RIMBP2: variants seen among roughly 807,000 people sequenced by gnomAD.
The protein encoded by RIMBP2 is RIMS-binding protein 2.
Under a neutral mutation model 118.6 loss-of-function variants are expected in RIMBP2, and 48 were observed. The observed-to-expected ratio is 0.40, with a 90% CI of 0.32 to 0.51. RIMBP2 has a LOEUF of 0.51. Among genes scored for constraint, RIMBP2 ranks in the 20% least tolerant of loss-of-function variants. RIMBP2 has a pLI of 0.41. For missense variants in RIMBP2, 1,551 were observed against 1,768.3 expected (o/e 0.88, Z 2.20); for synonymous variants, 762 against 742.9 (o/e 1.03, Z -0.42).
intron 21 of RIMBP2, among the ~76,000 whole-genome samples, chr12:130,403,310 A>G (rs2136312791): frequency 6.6e-6 from 1 of 152,338 alleles, no homozygotes; most frequent in African/African-American, 2.4e-5. Context: ...GTGGTAAATA[A>G]AAAGAAGCAT....
At chr12:130,470,073 T>G (rs2080867016) in intron 6 of RIMBP2, 1 of 152,144 alleles carries the variant, frequency 6.6e-6, no homozygotes, top group Non-Finnish European at 1.5e-5. Context: ...CTCACGCAGG[T>G]GGGACGTAGC....
intron 2 of RIMBP2, among the ~76,000 whole-genome samples, chr12:130,555,754 C>T (rs2056285807): frequency 6.6e-6 from 1 of 152,186 alleles, no homozygotes; most frequent in African/African-American, 2.4e-5. Context: ...GCAGCTAAAA[C>T]ACGAAACTGC....
chr12:130,401,209 G>A (rs993333926), intron 21 of RIMBP2, among the ~76,000 whole-genome samples: 1 of 151,864 alleles, frequency 6.6e-6, no homozygotes, highest in East Asian at 1.9e-4. Context: ...TCCACCTCCC[G>A]GGTTCAAGCA....
chr12:130,414,458 G>A, intron 17 of RIMBP2, 152 bp from the exon 18 acceptor site: 2 of 689,962 alleles, frequency 2.9e-6, no homozygotes, highest in Non-Finnish European at 4.8e-6. Context: ...AATAGATCGG[G>A]AGGTCTAGGT....
intron 4 of RIMBP2, among the ~76,000 whole-genome samples, chr12:130,485,132 T>A (rs754705271): frequency 1.8e-4 from 28 of 152,320 alleles, no homozygotes; most frequent in Admixed American, 3.3e-4. Context: ...GAGGGACTCA[T>A]GAGGCAACCA....
Position 130,399,684 on chromosome 12 carries a change from T to C in RIMBP2, c.3895A>G (p.Lys1299Glu), listed in dbSNP as rs2136256724. Reference sequence around the variant, plus strand: ...GGCTAAATAGGTTTGCTTACCCTTTTTGCCTTTGAGCGCATTGGCGTATCT... The same window carrying C: ...GGCTAAATAGGTTTGCTTACCCTTTCTGCCTTTGAGCGCATTGGCGTATCT... The part of the protein sequence containing the change: ...SQDTPMRSKA[K>E]RVPPEGSGTA... The change falls in exon 22 of 23, where the codon AAA (lysine) becomes GAA (glutamate). Residue 1299 changes from lysine (K) to glutamate (E), a missense_variant. This residue lies in a region of RIMBP2 where 1,038 missense variants were observed against 1,125.1 expected (regional missense o/e 0.92). Transcript: ENST00000690449. 6.2e-7 allele frequency: 1 copy of C among 1,614,178 alleles called. No individual in the cohort carries two copies. Among genetic ancestry groups the C allele is most frequent in the South Asian group, 1.1e-5 (1 of 91,078 alleles).
chr12:130,637,909 G>C (rs1007370572), intron 1 of RIMBP2, among the ~76,000 whole-genome samples: 4 of 152,166 alleles, frequency 2.6e-5, no homozygotes, highest in Admixed American at 1.3e-4. Context: ...TGGTAAATAA[G>C]TTATTTGGGG....
intron 2 of RIMBP2, among the ~76,000 whole-genome samples, chr12:130,532,537 G>A (rs557321696): frequency 2.0e-5 from 3 of 149,100 alleles, no homozygotes; most frequent in African/African-American, 7.5e-5. Flanking sequence ...AATGAGATGC[G>A]TGTGTGTAGC....
rs546754143 is a variant in RIMBP2 at position 130,512,932 on chromosome 12, G to A, written c.-127+4896C>T. 5.9e-5 allele frequency among the ~76,000 whole-genome samples: 9 copies of A among 152,094 alleles called. No individual in the cohort carries two copies. The East Asian group carries it at 1.4e-3, about 23-fold the overall frequency. ...CTTTCAGTCAAAAACTAAGCCTCAC[G>A]AATCCCAAATGTCTATGTGTGTCAT... On this transcript the variant is annotated intron_variant, in intron 3 of 22. Coordinates refer to ENST00000690449, the MANE Select transcript of RIMBP2 (RefSeq NM_001393629.1).
At chr12:130,664,439 G>T (rs763592846) in intron 1 of RIMBP2, among the ~76,000 whole-genome samples, 1 of 123,418 alleles carries the variant, frequency 8.1e-6, no homozygotes, top group African/African-American at 3.0e-5. Context: ...ATGCATGCAC[G>T]CACACACGCA....
Position 130,651,885 on chromosome 12 carries a change from TA to T in RIMBP2, c.-351-23430del, listed in dbSNP as rs68125491. 9.4e-3 allele frequency among the ~76,000 whole-genome samples: 1,418 copies of T among 150,574 alleles called. 15 individuals carry two copies. Among genetic ancestry groups the T allele is most frequent in the African/African-American group, 0.026 (1,055 of 41,096 alleles). ...TAGCTTTTGGAAAGCTTTTTGATGTTAAAAAAAAAATGTTTAGGAATTAAAA... is the reference window on the plus strand; with the variant it reads ...TAGCTTTTGGAAAGCTTTTTGATGTTAAAAAAAAATGTTTAGGAATTAAAA... On this transcript the variant is annotated intron_variant, in intron 1 of 22. Transcript: ENST00000690449.
At chr12:130,438,335 A>AGGCCC in intron 12 of RIMBP2, 30 bp downstream of exon 12, 3 of 865,014 alleles carry the variant, frequency 3.5e-6, no homozygotes, top group African/African-American at 1.7e-5. Context: ...GGCCTAACAA[A>AGGCCC]CCCTCCCCAC....
rs949490066 is a variant in RIMBP2, at chr12:130,620,221, A to G, written c.-217+8101T>C. On this transcript the variant is annotated intron_variant, in intron 2 of 22. Transcript: ENST00000690449. The surrounding 1 kb of genome is among the most constrained non-coding windows in gnomAD (Gnocchi z 5.3). Reference sequence around the variant, plus strand: ...AGACCGAAGTGGTGGCAGTTAAACAATCAGTCCCCTGAATTTAAATCTTGA... The same window carrying G: ...AGACCGAAGTGGTGGCAGTTAAACAGTCAGTCCCCTGAATTTAAATCTTGA... Among the ~76,000 whole-genome samples the G allele has an allele frequency of 2.6e-5, 4 of 152,142 alleles. No individual in the cohort carries two copies. Among genetic ancestry groups the G allele is most frequent in the Admixed American group, 1.3e-4 (2 of 15,272 alleles).
At position 130,433,158 on chromosome 12, in the gene RIMBP2, CTT is replaced by C. The variant is rs1416428038; in HGVS notation, c.2253+1574_2253+1575del. ...GCAGAGGACCGGCCTTACACACACTCTTTTCTGATAAGCGACTGTAGACATTA... is the reference window on the plus strand; with the variant it reads ...GCAGAGGACCGGCCTTACACACACTCTTCTGATAAGCGACTGTAGACATTA... On this transcript the variant is annotated intron_variant, in intron 14 of 22. Transcript: ENST00000690449. Among the ~76,000 whole-genome samples, 3 of 152,330 alleles carry C rather than the reference CTT, an allele frequency of 2.0e-5. No homozygotes were observed. In the South Asian group the frequency reaches 6.2e-4, roughly 32 times the overall value.
chr12:130,692,233 G>A (rs1051933004), intron 1 of RIMBP2, among the ~76,000 whole-genome samples: 4 of 152,076 alleles, frequency 2.6e-5, no homozygotes, highest in Non-Finnish European at 5.9e-5. Flanking sequence ...CCCTGAGATG[G>A]CACCTTCACC....
chr12:130,667,092 GAGGAT>G (rs2063972710), intron 1 of RIMBP2, among the ~76,000 whole-genome samples: 1 of 58,664 alleles, frequency 1.7e-5, no homozygotes, highest in African/African-American at 6.8e-5. Flanking sequence ...ATGAGGGAGG[GAGGAT>G]GGGAGAAAAA....
At position 130,414,246 on chromosome 12, in the gene RIMBP2, C is replaced by G; in HGVS notation, c.3299G>C (p.Gly1100Ala). The G allele has an allele frequency of 6.2e-7, 1 of 1,613,800 alleles. No individual in the cohort carries two copies. The highest frequency in any genetic ancestry group is 8.5e-7 in the Non-Finnish European group (1 of 1,179,834). The change falls in exon 18 of 23, where the codon GGT becomes GCT. Residue 1100 changes from glycine to alanine, a missense_variant. Coordinates refer to ENST00000690449, the MANE Select transcript of RIMBP2 (RefSeq NM_001393629.1). ...GATCCGGGCCGGGAGCTCTTCGGCA[C>G]CAGGGTCAGTTTCTGACTCTTCATA... is the stretch of plus-strand genomic sequence containing the variant. ...DFYEESETDP[G>A]AEELPARIFV...
At chr12:130,636,607 C>T (rs1240525003) in intron 1 of RIMBP2, among the ~76,000 whole-genome samples, 1 of 152,174 alleles carries the variant, frequency 6.6e-6, no homozygotes, top group Non-Finnish European at 1.5e-5. Flanking sequence ...CAGATACTCG[C>T]ACACTATTGA....
intron 1 of RIMBP2, among the ~76,000 whole-genome samples, chr12:130,708,937 C>T (rs1344063364): frequency 1.3e-5 from 2 of 152,194 alleles, no homozygotes; most frequent in Non-Finnish European, 2.9e-5. Flanking sequence ...CCATCTCTCC[C>T]CAGCTGTGTG....
Sources: gnomAD v4.1 joint callset for allele counts (sites outside exome capture counted in the v4.1 genomes callset) on GRCh38, gnomAD v4.1.1 for gene constraint, gnomAD v4.1.1 regional missense constraint, Gnocchi (gnomAD v3.1) non-coding constraint, MANE v1.5 for transcripts, NCBI Gene and HGNC (gene_info 2026-07-23, HGNC 2026-07-21) for gene names.